CSNK1D: variants seen among roughly 807,000 people sequenced by gnomAD.
CSNK1D encodes the protein casein kinase 1 delta.
In CSNK1D, 16 loss-of-function variants were observed where a neutral mutation model predicts 46.6. That is an observed-to-expected ratio of 0.34 (90% CI 0.23 to 0.52). CSNK1D has a LOEUF of 0.52. CSNK1D is among the 20% of genes least tolerant of loss of function. The pLI, the probability that CSNK1D is intolerant of heterozygous loss-of-function variation, is 0.95. For synonymous variants in CSNK1D, 276 were observed against 228.2 expected (o/e 1.21, Z -1.89); for missense variants, 398 against 578.4 (o/e 0.69, Z 3.20).
downstream of CSNK1D, among the ~76,000 whole-genome samples, chr17:82,240,506 G>A (rs539291740): frequency 2.6e-5 from 4 of 152,188 alleles, no homozygotes; most frequent in African/African-American, 4.8e-5. Context: ...GGCTTACAGA[G>A]GTACTGGCAG....
At chr17:82,245,912 G>A (rs2050838932) in intron 8 of CSNK1D, 1 of 1,510,496 alleles carries the variant, frequency 6.6e-7, no homozygotes, top group Non-Finnish European at 9.0e-7. Context: ...GCTCCCATGG[G>A]TGGGGCATGG....
intron 2 of CSNK1D, among the ~76,000 whole-genome samples, chr17:82,256,601 CAAG>C (rs2051181650): frequency 6.6e-6 from 1 of 152,006 alleles, no homozygotes; most frequent in East Asian, 1.9e-4. Context: ...TCAACGACCA[CAAG>C]AAGATTCTCA....
chr17:82,253,690 G>A, intron 3 of CSNK1D: 1 of 346,520 alleles, frequency 2.9e-6, no homozygotes, highest in Admixed American at 4.3e-5. Flanking sequence ...AAGCCAGTGA[G>A]CTGAGCCACC....
Position 82,273,533 on chromosome 17 carries a change from G to T in CSNK1D, c.-152C>A. The T allele has an allele frequency of 1.1e-6, 1 of 920,680 alleles. No individual in the cohort carries two copies. Among genetic ancestry groups the T allele is most frequent in the Non-Finnish European group, 1.6e-6 (1 of 609,352 alleles). 57.0% of individuals were successfully genotyped at this position (920,680 alleles called of 1,614,324 possible). On this transcript the variant is annotated 5_prime_UTR_variant, in exon 1 of 9. Transcript: ENST00000314028. The surrounding 1 kb of genome is among the most constrained non-coding windows in gnomAD (Gnocchi z 5.1). Reference sequence around the variant, plus strand: ...TTCACCATCGCTTTCCTGTCGCCCCGCCGCTCCCAGCGCCTCAATACGGGG... The same window carrying T: ...TTCACCATCGCTTTCCTGTCGCCCCTCCGCTCCCAGCGCCTCAATACGGGG...
chr17:82,245,757 ACT>A (rs570807120), intron 8 of CSNK1D, among the ~76,000 whole-genome samples: 14 of 152,236 alleles, frequency 9.2e-5, no homozygotes, highest in Middle Eastern at 3.4e-3. Flanking sequence ...TCCTGGGGTC[ACT>A]CTGTTCCAAA....
chr17:82,239,939 G>A, downstream of CSNK1D: 1 of 1,185,408 alleles, frequency 8.4e-7, no homozygotes, highest in Non-Finnish European at 1.1e-6. Flanking sequence ...GCAGTGGCCT[G>A]CGTGGCTGGG....
At chr17:82,259,923 T>G (rs946190371) in intron 2 of CSNK1D, among the ~76,000 whole-genome samples, 2 of 151,754 alleles carry the variant, frequency 1.3e-5, no homozygotes, top group Non-Finnish European at 2.9e-5. Flanking sequence ...ATGTGACTGA[T>G]GGTGTACTGA....
At position 82,243,787 on chromosome 17, in the gene CSNK1D, C is replaced by T; in HGVS notation, c.*994G>A. The T allele has an allele frequency of 1.0e-6, 1 of 985,466 alleles. No homozygotes were observed. Among genetic ancestry groups the T allele is most frequent in the Middle Eastern group, 5.2e-4 (1 of 1,914 alleles). The allele number at this position is 985,466 out of a possible 1,614,324, so 61.0% of individuals were successfully genotyped here. A position where few individuals can be genotyped will look rare whatever the true frequency, so the allele number is the denominator to read the frequency against. Reference sequence around the variant, plus strand: ...GAGCATTGAGTGCTGAGAAAATGGACTGAGTGCAAAGGCAGCAAGGCAACA... The same window carrying T: ...GAGCATTGAGTGCTGAGAAAATGGATTGAGTGCAAAGGCAGCAAGGCAACA... On this transcript the variant is annotated 3_prime_UTR_variant, in exon 9 of 9. Transcript: ENST00000314028.
At chr17:82,259,973 CTGATGTGACTGATGGTGTACTGAG>C (rs1186822236) in intron 2 of CSNK1D, among the ~76,000 whole-genome samples, 134 of 142,768 alleles carry the variant, frequency 9.4e-4, no homozygotes, top group Non-Finnish European at 1.4e-3. Context: ...GGTGTACTGA[CTGATGTGACTGATGGTGTACTGAG>C]TGATGTGACT....
rs770819449 is a variant in CSNK1D at position 82,255,402 on chromosome 17, T to C, written c.336+27A>G. 10 of 1,613,650 alleles carry C rather than the reference T, an allele frequency of 6.2e-6. No homozygotes were observed. The highest frequency in any genetic ancestry group is 2.2e-5 in the East Asian group (1 of 44,886). On this transcript the variant is annotated intron_variant, in intron 3 of 8. Coordinates refer to ENST00000314028, the MANE Select transcript of CSNK1D (RefSeq NM_001893.6). The surrounding 1 kb of genome is among the most constrained non-coding windows in gnomAD (Gnocchi z 5.9). ...CTGATTCTATCAGACAGCAAGTGTGTGCCAACTGTCAGGAAACAGTCCTTA... is the reference window on the plus strand; with the variant it reads ...CTGATTCTATCAGACAGCAAGTGTGCGCCAACTGTCAGGAAACAGTCCTTA...
intron 1 of CSNK1D, among the ~76,000 whole-genome samples, chr17:82,271,829 G>A (rs1343062830): frequency 6.6e-6 from 1 of 152,220 alleles, no homozygotes; most frequent in African/African-American, 2.4e-5. Flanking sequence ...TATGACCAGA[G>A]GCATTACTGA....
chr17:82,261,734 G>A (rs950193125), intron 2 of CSNK1D, among the ~76,000 whole-genome samples: 3 of 152,184 alleles, frequency 2.0e-5, no homozygotes, highest in Non-Finnish European at 4.4e-5. Context: ...GCAGGGCAGG[G>A]TCCTGGTTGT....
chr17:82,251,314 G>A lies in CSNK1D; in HGVS notation c.885+65C>T. ...CAGCCCCTCAACAAGACGGCCGCCG[G>A]CCTCTCACTGACAAGCCATCCCCCG... On this transcript the variant is annotated intron_variant, in intron 6 of 8. Coordinates refer to ENST00000314028, the MANE Select transcript of CSNK1D (RefSeq NM_001893.6). The surrounding 1 kb of genome is among the most constrained non-coding windows in gnomAD (Gnocchi z 4.5). 6.9e-6 allele frequency: 11 copies of A among 1,596,362 alleles called. No homozygotes were observed. The highest frequency in any genetic ancestry group is 9.4e-6 in the Non-Finnish European group (11 of 1,165,086).
In CSNK1D at chr17:82,249,485, G is replaced by T; in HGVS notation, c.1003C>A (p.Arg335=). The change falls in exon 7 of 9, where the codon CGG becomes AGG. Residue 335 remains arginine (R), a synonymous_variant. Coordinates refer to ENST00000314028, the MANE Select transcript of CSNK1D (RefSeq NM_001893.6). This position sits in a 1 kb window ranked among gnomAD's most constrained non-coding sequence, Gnocchi z 6.7. ...GGGGGAGCCACTTCCTGCGTCCCCC[G>T]CAGGCGGCCGGAGGCTGTGGAAGGG... is the stretch of plus-strand genomic sequence containing the variant. The part of the protein sequence containing the change: ...GLPSTASGRL[R]GTQEVAPPTP... 6.5e-7 allele frequency: 1 copy of T among 1,542,564 alleles called. No homozygotes were observed.
chr17:82,250,580 C>T lies in CSNK1D; in HGVS notation c.885+799G>A, dbSNP rs2050979775. 9.2e-6 allele frequency: 2 copies of T among 218,386 alleles called. No individual in the cohort carries two copies. Among genetic ancestry groups the T allele is most frequent in the African/African-American group, 4.6e-5 (2 of 43,114 alleles). 13.5% of individuals were successfully genotyped at this position (218,386 alleles called of 1,614,324 possible). A position where few individuals can be genotyped will look rare whatever the true frequency, so the allele number is the denominator to read the frequency against. On this transcript the variant is annotated intron_variant, in intron 6 of 8. Coordinates refer to ENST00000314028, the MANE Select transcript of CSNK1D (RefSeq NM_001893.6). The surrounding 1 kb of genome is among the most constrained non-coding windows in gnomAD (Gnocchi z 4.6). ...ATCTCTCCGGGGCCTCCAAGTACTCCCCACGCTGATGGGCACTTGGCAAGT... is the reference window on the plus strand; with the variant it reads ...ATCTCTCCGGGGCCTCCAAGTACTCTCCACGCTGATGGGCACTTGGCAAGT...
At chr17:82,257,423 A>G (rs2147190122) in intron 2 of CSNK1D, among the ~76,000 whole-genome samples, 1 of 152,296 alleles carries the variant, frequency 6.6e-6, no homozygotes, top group African/African-American at 2.4e-5. Flanking sequence ...CAGCGTCAAA[A>G]AGAGATGCTA....
intron 1 of CSNK1D, among the ~76,000 whole-genome samples, chr17:82,268,874 G>A (rs569505010): frequency 1.3e-5 from 2 of 152,072 alleles, no homozygotes; most frequent in South Asian, 2.1e-4. Context: ...CTGATGGATC[G>A]CTTGAGGTCA....
Position 82,250,515 on chromosome 17 carries a change from C to A in CSNK1D, c.885+864G>T. 2 of 250,756 alleles carry A rather than the reference C, an allele frequency of 8.0e-6. No individual in the cohort carries two copies. The highest frequency in any genetic ancestry group is 7.4e-5 in the South Asian group (2 of 27,082). 15.5% of individuals were successfully genotyped at this position (250,756 alleles called of 1,614,324 possible). A position where few individuals can be genotyped will look rare whatever the true frequency, so the allele number is the denominator to read the frequency against. The stretch of plus-strand genomic sequence containing the variant: ...TCTGCCCTGCCGAGTGCACCCCTCC[C>A]GGCACCTGGGCCCCGAGGCTCGGGC... On this transcript the variant is annotated intron_variant, in intron 6 of 8. Transcript: ENST00000314028. The surrounding 1 kb of genome is among the most constrained non-coding windows in gnomAD (Gnocchi z 4.6).
At position 82,251,806 on chromosome 17, in the gene CSNK1D, C is replaced by G; in HGVS notation, c.737-279G>C. The G allele has an allele frequency of 2.3e-6, 1 of 431,290 alleles. No individual in the cohort carries two copies. The highest frequency in any genetic ancestry group is 4.8e-5 in the East Asian group (1 of 20,688). 26.7% of individuals were successfully genotyped at this position (431,290 alleles called of 1,614,324 possible). On this transcript the variant is annotated intron_variant, in intron 5 of 8. Coordinates refer to ENST00000314028, the MANE Select transcript of CSNK1D (RefSeq NM_001893.6). The surrounding 1 kb of genome is among the most constrained non-coding windows in gnomAD (Gnocchi z 4.5). ...GAGATCAAGACCATCCTGGCTAACA[C>G]AGTGAAACCCCATCTCTACTGAAAA... is the stretch of plus-strand genomic sequence containing the variant.
Sources: allele counts gnomAD v4.1 joint callset (sites outside exome capture counted in the v4.1 genomes callset), GRCh38; gene constraint gnomAD v4.1.1; non-coding constraint Gnocchi (gnomAD v3.1); transcripts MANE v1.5; gene names NCBI Gene and HGNC (gene_info 2026-07-23, HGNC 2026-07-21).